The following DNAJC3 variants were observed in gnomAD, a reference collection of about 807,000 sequenced individuals.
DNAJC3 encodes the protein dnaJ homolog subfamily C member 3.
DNAJC3 carries 38 observed loss-of-function variants against 68.6 expected under a neutral mutation model. The ratio of observed to expected loss-of-function variants is 0.55; its 90% CI spans 0.43 to 0.73. The LOEUF is 0.73. Among genes scored for constraint, DNAJC3 ranks in the 30% least tolerant of loss-of-function variants. The probability of loss-of-function intolerance (pLI) is 0.00; values close to 1 mark genes in which losing one functional copy is unlikely to be tolerated. For synonymous variants in DNAJC3, 203 were observed against 204.0 expected, an observed-to-expected ratio of 1.00 and a Z score of 0.04; for missense variants, 526 against 591.9, an observed-to-expected ratio of 0.89 and a Z score of 1.16.
chr13:95,759,591 A>G (rs534931126), intron 5 of DNAJC3, among the ~76,000 whole-genome samples: 34 of 152,342 alleles, frequency 2.2e-4, no homozygotes, highest in African/African-American at 7.9e-4. Context: ...TATTAGCAGA[A>G]AAAAGTATTT....
chr13:95,682,816 CAT>C (rs1171370839), intron 1 of DNAJC3, among the ~76,000 whole-genome samples: 1 of 152,146 alleles, frequency 6.6e-6, no homozygotes, highest in Non-Finnish European at 1.5e-5. Context: ...AATCATTGAT[CAT>C]ATGTTTGACT....
chr13:95,757,160 A>T (rs531815487), intron 4 of DNAJC3, among the ~76,000 whole-genome samples: 22 of 152,184 alleles, frequency 1.4e-4, no homozygotes, highest in Middle Eastern at 3.4e-3. Context: ...TTGGTATCAG[A>T]TCTTTTTTTA....
chr13:95,768,700 C>G (rs1040315556), intron 9 of DNAJC3, among the ~76,000 whole-genome samples: 2 of 152,144 alleles, frequency 1.3e-5, no homozygotes, highest in African/African-American at 4.8e-5. Flanking sequence ...ACCGGCCAGG[C>G]ACGGTGGCTC....
intron 4 of DNAJC3, among the ~76,000 whole-genome samples, chr13:95,734,305 G>T (rs887618206): frequency 6.6e-6 from 1 of 152,080 alleles, no homozygotes. Context: ...TAGTATTGTT[G>T]GTTGACAGTT....
chr13:95,745,764 A>G (rs1396892176), intron 4 of DNAJC3: 1 of 152,160 alleles, frequency 6.6e-6, no homozygotes, highest in Non-Finnish European at 1.5e-5. Flanking sequence ...CAGTTCAATA[A>G]ACTCTTTGAA....
intron 4 of DNAJC3, among the ~76,000 whole-genome samples, chr13:95,740,814 A>T (rs988659617): frequency 6.6e-6 from 1 of 152,216 alleles, no homozygotes; most frequent in Non-Finnish European, 1.5e-5. Context: ...AGCTGTTCCT[A>T]TTCGGCCATC....
intron 1 of DNAJC3, among the ~76,000 whole-genome samples, chr13:95,687,840 G>A (rs1297591489): frequency 6.6e-6 from 1 of 152,148 alleles, no homozygotes; most frequent in East Asian, 1.9e-4. Flanking sequence ...GGTAGGAATA[G>A]TGTTGAATCT....
At chr13:95,740,872 G>A (rs1882119122) in intron 4 of DNAJC3, among the ~76,000 whole-genome samples, 1 of 152,174 alleles carries the variant, frequency 6.6e-6, no homozygotes, top group African/African-American at 2.4e-5. Flanking sequence ...ATTTCATTCA[G>A]TGAATTCTTT....
intron 4 of DNAJC3, among the ~76,000 whole-genome samples, chr13:95,751,544 T>C (rs1300983660): frequency 6.6e-6 from 1 of 152,174 alleles, no homozygotes; most frequent in Non-Finnish European, 1.5e-5. Context: ...AAGGGTTTCT[T>C]AAAGTGATAT....
chr13:95,717,982 A>G (rs946734153), intron 2 of DNAJC3, among the ~76,000 whole-genome samples: 2 of 152,204 alleles, frequency 1.3e-5, no homozygotes, highest in African/African-American at 4.8e-5. Context: ...TTCTCCAGAT[A>G]GTAGTTGTAT....
chr13:95,757,247 T>G (rs1882689882), intron 4 of DNAJC3, among the ~76,000 whole-genome samples: 1 of 152,178 alleles, frequency 6.6e-6, no homozygotes, highest in South Asian at 2.1e-4. Flanking sequence ...TATTTTATAC[T>G]TAAAAAAATA....
intron 2 of DNAJC3, among the ~76,000 whole-genome samples, chr13:95,709,656 C>T (rs1434214726): frequency 5.9e-5 from 7 of 118,428 alleles, no homozygotes; most frequent in Non-Finnish European, 1.1e-4. Flanking sequence ...TTTTTTGAGA[C>T]GGAGTCTCGC....
chr13:95,757,610 A>G (rs1882700123), intron 4 of DNAJC3, 34 bp from the exon 5 acceptor site: 14 of 1,512,168 alleles, frequency 9.3e-6, no homozygotes, highest in Non-Finnish European at 1.3e-5. Flanking sequence ...TTAAGAGATT[A>G]AAAACTCTGC....
intron 2 of DNAJC3, among the ~76,000 whole-genome samples, chr13:95,711,679 G>T (rs1341054411): frequency 6.6e-6 from 1 of 152,064 alleles, no homozygotes; most frequent in Non-Finnish European, 1.5e-5. Flanking sequence ...TTTTAAATGG[G>T]TATAAGCCTA....
At chr13:95,737,713 T>C in intron 4 of DNAJC3, among the ~76,000 whole-genome samples, 1 of 151,240 alleles carries the variant, frequency 6.6e-6, no homozygotes, top group Admixed American at 6.6e-5. Context: ...TCTTCTCTCT[T>C]TTTTTCTTTA....
rs1883752325 is a variant in DNAJC3, at chr13:95,790,963, A to C, written c.1448A>C (p.Asn483Thr). 6.2e-7 allele frequency: 1 copy of C among 1,612,530 alleles called. No individual in the cohort carries two copies. Among genetic ancestry groups the C allele is most frequent in the Non-Finnish European group, 8.5e-7 (1 of 1,179,632 alleles). ...GGCAACCCTTTCCACAGAAGCTGGA[A>C]CTCATGGCAAGGGTTCAATCCCTTC... ...GGGNPFHRSW[N>T]SWQGFNPFSS... The change falls in exon 12 of 12, where the codon AAC becomes ACC. Residue 483 changes from asparagine to threonine, a missense_variant. Transcript: ENST00000602402.
At chr13:95,733,603 T>C (rs1881786195) in intron 4 of DNAJC3, among the ~76,000 whole-genome samples, 1 of 152,170 alleles carries the variant, frequency 6.6e-6, no homozygotes, top group Admixed American at 6.5e-5. Context: ...TTTTGCCATT[T>C]TGGCCAGGCT....
intron 4 of DNAJC3, among the ~76,000 whole-genome samples, chr13:95,754,476 A>G (rs1371158434): frequency 1.3e-5 from 2 of 152,184 alleles, no homozygotes; most frequent in Non-Finnish European, 2.9e-5. Flanking sequence ...GCAAAACAAT[A>G]GGCCTAGGTT....
chr13:95,712,281 C>A (rs1398279310), intron 2 of DNAJC3, among the ~76,000 whole-genome samples: 3 of 152,078 alleles, frequency 2.0e-5, no homozygotes, highest in African/African-American at 7.2e-5. Flanking sequence ...CTCCCCACAC[C>A]TCACCACCAC....
Sources: gnomAD v4.1 joint callset for allele counts (sites outside exome capture counted in the v4.1 genomes callset) on GRCh38, gnomAD v4.1.1 for gene constraint, MANE v1.5 for transcripts, NCBI Gene and HGNC (gene_info 2026-07-23, HGNC 2026-07-21) for gene names.